The following KLF8 variants were observed in gnomAD, a reference collection of about 807,000 sequenced individuals.
KLF8 encodes the protein Krueppel-like factor 8.
In KLF8, 10 loss-of-function variants were observed where a neutral mutation model predicts 18.2. The ratio of observed to expected loss-of-function variants is 0.55; its 90% CI spans 0.34 to 0.93. The LOEUF (loss-of-function observed/expected upper bound fraction) is 0.93. Among genes scored for constraint, KLF8 ranks in the 40% least tolerant of loss-of-function variants. The probability of loss-of-function intolerance (pLI) is 0.02; values close to 1 mark genes in which losing one functional copy is unlikely to be tolerated. For synonymous variants in KLF8, 109 were observed against 97.3 expected (o/e 1.12, Z -0.71); for missense variants, 264 against 277.9 (o/e 0.95, Z 0.36).
rs374028843 is a variant in KLF8, at chrX:56,279,593, G to C, written c.899-4720G>C. On this transcript the variant is annotated intron_variant, in intron 5 of 5. Coordinates refer to ENST00000468660, the MANE Select transcript of KLF8 (RefSeq NM_007250.5). ...GGACATATTGAGCGCAGCAGTGGGT[G>C]GAGAAAGCATTGAGGTGCAAGAGTG... is the stretch of plus-strand genomic sequence containing the variant. Among the ~76,000 whole-genome samples the C allele has an allele frequency of 9.8e-5, 11 of 111,783 alleles. No individual in the cohort carries two copies. The East Asian group carries it at 2.8e-3, about 29-fold the overall frequency.
At chrX:56,022,850 A>G in the KLF8 span, among the ~76,000 whole-genome samples, 2 of 110,990 alleles carry the variant, frequency 1.8e-5, no homozygotes, top group African/African-American at 6.6e-5. Context: ...AGACCTGACT[A>G]AAAGCTCCCC....
chrX:56,252,955 T>A (rs971134599), intron 2 of KLF8, among the ~76,000 whole-genome samples: 1 of 112,736 alleles, frequency 8.9e-6, no homozygotes, highest in Non-Finnish European at 1.9e-5. Context: ...ATTTCTCTGA[T>A]GATCACTGAT....
chrX:55,941,883 A>T, the KLF8 span, among the ~76,000 whole-genome samples: 3 of 111,720 alleles, frequency 2.7e-5, no homozygotes, highest in Non-Finnish European at 3.8e-5. Context: ...GCTGGAGAGG[A>T]TGTGGAGAAA....
chrX:55,957,065 G>A, the KLF8 span, among the ~76,000 whole-genome samples: 2 of 110,686 alleles, frequency 1.8e-5, no homozygotes, highest in African/African-American at 6.6e-5. Flanking sequence ...ATTAATTTTT[G>A]TATATGGTGT....
the KLF8 span, among the ~76,000 whole-genome samples, chrX:56,026,330 C>T: frequency 9.0e-6 from 1 of 111,730 alleles, no homozygotes; most frequent in Non-Finnish European, 1.9e-5. Flanking sequence ...TCTCATTTAC[C>T]CAAGCTGAGA....
chrX:56,032,636 A>T, the KLF8 span, among the ~76,000 whole-genome samples: 1 of 112,248 alleles, frequency 8.9e-6, no homozygotes, highest in Non-Finnish European at 1.9e-5. Flanking sequence ...CTCAAGATTC[A>T]TCTGTGTTGT....
At chrX:55,941,059 A>G in the KLF8 span, among the ~76,000 whole-genome samples, 82 of 111,985 alleles carry the variant, frequency 7.3e-4, no homozygotes, top group African/African-American at 2.4e-3. Context: ...AAGAGCCCAC[A>G]TTGCCAAGTC....
At chrX:55,988,964 A>G in the KLF8 span, among the ~76,000 whole-genome samples, 1 of 111,758 alleles carries the variant, frequency 8.9e-6, no homozygotes, top group East Asian at 2.8e-4. Flanking sequence ...CTTTGAAGCA[A>G]TGATGAATGG....
chrX:55,939,446 C>T, the KLF8 span, among the ~76,000 whole-genome samples: 5 of 111,272 alleles, frequency 4.5e-5, no homozygotes, highest in East Asian at 1.1e-3. Flanking sequence ...AATTGACACC[C>T]TAACATCACA....
the KLF8 span, among the ~76,000 whole-genome samples, chrX:56,183,420 G>C: frequency 1.8e-5 from 2 of 111,789 alleles, no homozygotes; most frequent in Middle Eastern, 8.5e-3. Context: ...TCACTTCCCT[G>C]GTGAGGCGGT....
the KLF8 span, among the ~76,000 whole-genome samples, chrX:56,090,778 C>T: frequency 9.0e-6 from 1 of 111,473 alleles, no homozygotes; most frequent in Non-Finnish European, 1.9e-5. Context: ...CCATGCATCT[C>T]CCAGAGTCCC....
chrX:55,995,309 T>C, the KLF8 span, among the ~76,000 whole-genome samples: 4 of 112,560 alleles, frequency 3.6e-5, no homozygotes, highest in Admixed American at 3.7e-4. Context: ...TCCTTGATTA[T>C]AGCATGCACT....
At chrX:56,067,994 C>A in the KLF8 span, among the ~76,000 whole-genome samples, 6 of 112,141 alleles carry the variant, frequency 5.4e-5, no homozygotes, top group Non-Finnish European at 1.1e-4. Flanking sequence ...GCTATTTCAC[C>A]CACCTTGCCA....
At chrX:56,063,944 C>G in the KLF8 span, among the ~76,000 whole-genome samples, 1 of 109,290 alleles carries the variant, frequency 9.1e-6, no homozygotes, top group African/African-American at 3.3e-5. Context: ...GGATACTATC[C>G]TTTCACTTCC....
chrX:56,236,641 CT>C (rs1044590742), intron 1 of KLF8, among the ~76,000 whole-genome samples: 11 of 111,365 alleles, frequency 9.9e-5, no homozygotes, highest in Non-Finnish European at 1.9e-4. Context: ...AATTTAAAAA[CT>C]TTCAACTAAA....
At chrX:56,053,544 G>GTTTTTGT in the KLF8 span, among the ~76,000 whole-genome samples, 1 of 68,710 alleles carries the variant, frequency 1.5e-5, no homozygotes, top group East Asian at 4.4e-4. Context: ...TCTTTTCTTT[G>GTTTTTGT]TTTTTTTTTT....
the KLF8 span, among the ~76,000 whole-genome samples, chrX:55,975,479 C>T: frequency 9.0e-6 from 1 of 110,932 alleles, no homozygotes; most frequent in Non-Finnish European, 1.9e-5. Flanking sequence ...ACTAAAGTCC[C>T]GAATTTCATC....
At chrX:56,108,349 C>A in the KLF8 span, among the ~76,000 whole-genome samples, 1 of 111,509 alleles carries the variant, frequency 9.0e-6, no homozygotes, top group South Asian at 3.7e-4. Flanking sequence ...TCCATAAATA[C>A]CTTTTATCAT....
At chrX:55,944,443 T>G in the KLF8 span, among the ~76,000 whole-genome samples, 1 of 110,293 alleles carries the variant, frequency 9.1e-6, no homozygotes, top group Non-Finnish European at 1.9e-5. Context: ...AGAATTCGGC[T>G]GTGAATCCAT....
Sources: allele counts gnomAD v4.1 joint callset (sites outside exome capture counted in the v4.1 genomes callset), GRCh38; gene constraint gnomAD v4.1.1; transcripts MANE v1.5; gene names NCBI Gene and HGNC (gene_info 2026-07-23, HGNC 2026-07-21).